Variants in SMAD4 observed in about 807,000 individuals in gnomAD.
SMAD4 encodes the protein MAD homolog 4.
A neutral mutation model predicts 63.2 loss-of-function variants in SMAD4; 7 were observed. The observed-to-expected ratio is 0.11, with a 90% confidence interval of 0.06 to 0.21. SMAD4 has a LOEUF of 0.21. SMAD4 is among the 10% of genes least tolerant of loss of function. The probability of loss-of-function intolerance (pLI) is 1.00; values close to 1 mark genes in which losing one functional copy is unlikely to be tolerated. For missense variants in SMAD4, 312 were observed against 693.8 expected, an observed-to-expected ratio of 0.45 and a Z score of 6.18; for synonymous variants, 215 against 235.4, an observed-to-expected ratio of 0.91 and a Z score of 0.79.
At chr18:51,061,101 G>A (rs1909999673) in intron 8 of SMAD4, among the ~76,000 whole-genome samples, 1 of 151,872 alleles carries the variant, frequency 6.6e-6, no homozygotes, top group African/African-American at 2.4e-5. Context: ...GTACATAGGA[G>A]ATGTATATAT....
At chr18:51,062,847 A>G (rs941199394) in intron 8 of SMAD4, among the ~76,000 whole-genome samples, 2 of 89,658 alleles carry the variant, frequency 2.2e-5, no homozygotes, top group African/African-American at 8.4e-5. Flanking sequence ...ATCTGGCTTT[A>G]CTTGTTTTTT....
At chr18:51,066,698 G>C (rs1910167420) in intron 9 of SMAD4, 1 of 280,984 alleles carries the variant, frequency 3.6e-6, no homozygotes, top group Admixed American at 4.8e-5. Flanking sequence ...CATGTGGCTA[G>C]TGGCTATCAA....
chr18:51,035,597 T>C (rs1368627516), intron 1 of SMAD4, among the ~76,000 whole-genome samples: 1 of 152,244 alleles, frequency 6.6e-6, no homozygotes, highest in African/African-American at 2.4e-5. Context: ...CCTTACATTT[T>C]CAAGCCCCCA....
intron 3 of SMAD4, 32 bp downstream of exon 3, chr18:51,048,892 A>C: frequency 6.3e-7 from 1 of 1,580,664 alleles, no homozygotes; most frequent in African/African-American, 1.3e-5. Context: ...CCTAAGAAAC[A>C]TAAAGGGAAA....
intron 8 of SMAD4, among the ~76,000 whole-genome samples, chr18:51,065,074 A>T (rs1350709798): frequency 1.3e-5 from 2 of 152,198 alleles, no homozygotes; most frequent in Non-Finnish European, 2.9e-5. Context: ...TTAGATTCTG[A>T]TTATTTCTGT....
chr18:51,068,698 T>TCCAAGGTTGGAGACCTTGAGGCCAAG (rs1910236396), intron 10 of SMAD4, among the ~76,000 whole-genome samples: 1 of 152,136 alleles, frequency 6.6e-6, no homozygotes, highest in Non-Finnish European at 1.5e-5. Flanking sequence ...GTTGGAGGAT[T>TCCAAGGTTGGAGACCTTGAGGCCAAG]GCTTGAGACC....
In SMAD4 at chr18:51,066,839, A is replaced by G. The variant is rs570796843; in HGVS notation, c.1140-180A>G. On this transcript the variant is annotated intron_variant, in intron 9 of 11. Coordinates refer to ENST00000342988, the MANE Select transcript of SMAD4 (RefSeq NM_005359.6). Reference sequence around the variant, plus strand: ...AGTAAGTGTTGTAAATATGTGCATCATTATTAGATATGAACAGGAAAAGAA... The same window carrying G: ...AGTAAGTGTTGTAAATATGTGCATCGTTATTAGATATGAACAGGAAAAGAA... The G allele has an allele frequency of 8.2e-5, 48 of 583,950 alleles. No homozygotes were observed. In the South Asian group the frequency reaches 9.6e-4, roughly 12 times the overall value. The allele number at this position is 583,950 out of a possible 1,614,324, so 36.2% of individuals were successfully genotyped here. A position where few individuals can be genotyped will look rare whatever the true frequency, so the allele number is the denominator to read the frequency against.
intron 10 of SMAD4, among the ~76,000 whole-genome samples, chr18:51,075,529 T>C (rs1568210910): frequency 6.6e-6 from 1 of 152,202 alleles, no homozygotes; most frequent in Non-Finnish European, 1.5e-5. Context: ...CCTGTCCTTG[T>C]TCTCCTTTCC....
At chr18:51,067,353 C>G (rs1037966820) in intron 10 of SMAD4, among the ~76,000 whole-genome samples, 166 bp downstream of exon 10, 13 of 151,956 alleles carry the variant, frequency 8.6e-5, no homozygotes, top group African/African-American at 3.1e-4. Flanking sequence ...TTGACATTAT[C>G]AGTAATCTAG....
intron 1 of SMAD4, among the ~76,000 whole-genome samples, chr18:51,032,363 C>T (rs1247684088): frequency 6.6e-6 from 1 of 152,088 alleles, no homozygotes; most frequent in Non-Finnish European, 1.5e-5. Context: ...AACCAAACTG[C>T]AAATCTGTTT....
At chr18:51,048,637 G>A (rs1332725253) in intron 2 of SMAD4, 49 bp from the exon 3 acceptor site, 3 of 1,496,554 alleles carry the variant, frequency 2.0e-6, no homozygotes, top group Non-Finnish European at 2.8e-6. Context: ...ATATATAAAA[G>A]TGTCTTGCAT....
In SMAD4 at chr18:51,039,332, C is replaced by T. The variant is rs184717442; in HGVS notation, c.-127-7588C>T. ...TTAAGTAAAAAGGGGAATTCATTGG[C>T]TTGGTCTGGAGATAGAGCTGACCTC... On this transcript the variant is annotated intron_variant, in intron 1 of 11. Coordinates refer to ENST00000342988, the MANE Select transcript of SMAD4 (RefSeq NM_005359.6). 6.7e-4 allele frequency among the ~76,000 whole-genome samples: 102 copies of T among 152,262 alleles called. 2 individuals are homozygous for T. In the East Asian group the frequency reaches 0.017, roughly 26 times the overall value.
At chr18:51,069,949 C>A (rs1160140187) in intron 10 of SMAD4, among the ~76,000 whole-genome samples, 1 of 152,138 alleles carries the variant, frequency 6.6e-6, no homozygotes. Flanking sequence ...TTTTATTTAT[C>A]ATCAGTTTGG....
intron 1 of SMAD4, among the ~76,000 whole-genome samples, chr18:51,046,535 A>G (rs1202769305): frequency 5.3e-5 from 8 of 151,272 alleles, no homozygotes; most frequent in South Asian, 2.1e-4. Flanking sequence ...CATAAATATT[A>G]GTAATAGACT....
rs1204689751 is a variant in SMAD4 at position 51,078,987 on chromosome 18, A to G, written c.*520A>G. ...AACTTTACTCTGTGTTTAAAAAGTA[A>G]GTTAATAATGTATTGTAATCTTTCA... is the stretch of plus-strand genomic sequence containing the variant. On this transcript the variant is annotated 3_prime_UTR_variant, in exon 12 of 12. Coordinates refer to ENST00000342988, the MANE Select transcript of SMAD4 (RefSeq NM_005359.6). The G allele has an allele frequency of 4.3e-6, 1 of 234,634 alleles. No individual in the cohort carries two copies. The highest frequency in any genetic ancestry group is 5.5e-5 in the Admixed American group (1 of 18,050). The allele number at this position is 234,634 out of a possible 1,614,324, so 14.5% of individuals were successfully genotyped here.
intron 10 of SMAD4, among the ~76,000 whole-genome samples, chr18:51,073,390 C>CAT (rs1568210371): frequency 9.7e-5 from 3 of 31,054 alleles, no homozygotes; most frequent in Non-Finnish European, 1.7e-4. Context: ...TATATATATA[C>CAT]ACACACACAC....
intron 2 of SMAD4, among the ~76,000 whole-genome samples, chr18:51,047,878 G>T (rs1406175504): frequency 2.0e-5 from 3 of 152,130 alleles, no homozygotes; most frequent in Non-Finnish European, 4.4e-5. Flanking sequence ...CAGAATTCTG[G>T]CATTACAGGC....
intron 1 of SMAD4, chr18:51,044,992 G>C (rs1196702642): frequency 6.6e-6 from 1 of 152,240 alleles, no homozygotes; most frequent in East Asian, 1.9e-4. Context: ...TTTATGAGTT[G>C]AGACAGACAT....
chr18:51,063,246 G>A (rs1185028143), intron 8 of SMAD4, among the ~76,000 whole-genome samples: 4 of 151,932 alleles, frequency 2.6e-5, no homozygotes, highest in Non-Finnish European at 5.9e-5. Context: ...TGTTGTTACT[G>A]TTTTTTGTTG....
Sources: gnomAD v4.1 joint callset for allele counts (sites outside exome capture counted in the v4.1 genomes callset) on GRCh38, gnomAD v4.1.1 for gene constraint, MANE v1.5 for transcripts, NCBI Gene and HGNC (gene_info 2026-07-23, HGNC 2026-07-21) for gene names.